The following SZT2 variants were observed in gnomAD, a reference collection of about 807,000 sequenced individuals.
The protein encoded by SZT2 is SZT2 subunit of KICSTOR complex.
SZT2 carries 216 observed loss-of-function variants against 404.2 expected under a neutral mutation model. The observed-to-expected ratio is 0.53, with a 90% CI of 0.48 to 0.60. The LOEUF is 0.60. Among genes scored for constraint, SZT2 ranks in the 20% least tolerant of loss-of-function variants. SZT2 has a pLI of 0.00. For missense variants in SZT2, 3,857 were observed against 4,459.2 expected (o/e 0.86, Z 3.85); for synonymous variants, 1,693 against 1,749.9 (o/e 0.97, Z 0.81).
chr1:43,423,820 A>G (rs72883809), intron 15 of SZT2, among the ~76,000 whole-genome samples: 1,298 of 93,678 alleles, frequency 0.014, 7 homozygotes, highest in African/African-American at 0.044. Context: ...ATACAGAGGT[A>G]TGGAAGGGCG....
chr1:43,430,029 A>G lies in SZT2; in HGVS notation c.4327A>G (p.Ser1443Gly). ...ACAACAGGAGAAGTTCCTAGAGATC[A>G]GTCGTCTCCACTTCCGCACAGTGCC... ...SVIQEKFLEI[S>G]RLHFRTVPSN... The change falls in exon 30 of 72, where the codon AGT (serine) becomes GGT (glycine). Residue 1443 changes from serine (S) to glycine (G), a missense_variant. Physicochemically the swap from Ser to Gly is moderately conservative, Grantham distance 56 (BLOSUM62 0). Transcript: ENST00000634258. 2 of 1,614,196 alleles carry G rather than the reference A, an allele frequency of 1.2e-6. No individual in the cohort carries two copies. Among genetic ancestry groups the G allele is most frequent in the East Asian group, 2.2e-5 (1 of 44,880 alleles).
At position 43,440,011 on chromosome 1, in the gene SZT2, G is replaced by C; in HGVS notation, c.7173G>C (p.Leu2391=). The change falls in exon 51 of 72, where the codon CTG becomes CTC. Residue 2391 remains leucine (L), a synonymous_variant. Transcript: ENST00000634258. ...CCGATGCCATCATCGAGCTTCAGCT[G>C]CTGCCAGCTTCACTATGTACAGAGG... The part of the protein sequence containing the change: ...ALADAIIELQ[L]LPASLCTEDT... 1 of 1,614,126 alleles carries C rather than the reference G, an allele frequency of 6.2e-7. No homozygotes were observed. The highest frequency in any genetic ancestry group is 1.1e-5 in the South Asian group (1 of 91,076).
chr1:43,395,911 A>C (rs1648938205), intron 1 of SZT2, among the ~76,000 whole-genome samples: 1 of 152,224 alleles, frequency 6.6e-6, no homozygotes, highest in African/African-American at 2.4e-5. Context: ...ATCAAACTGG[A>C]GAGATTTAGT....
intron 28 of SZT2, 139 bp from the exon 29 acceptor site, chr1:43,429,564 C>T: frequency 1.9e-6 from 2 of 1,044,152 alleles, no homozygotes; most frequent in Non-Finnish European, 2.8e-6. Context: ...CTCTTTGCCT[C>T]TTTTACCACC....
rs763684432 is a variant in SZT2, at chr1:43,415,966, G to A, written c.637G>A (p.Asp213Asn). ...TTTCTGTAACTTGGGGCAGGCAGAA[G>A]ACCAGTCCCCAGACTCAGGGGACCT... Reference protein sequence around the residue: ...QQYDPQSQAEDQSPDSGDLLG... With the variant: ...QQYDPQSQAENQSPDSGDLLG... The change falls in exon 6 of 72, where the codon GAC becomes AAC. Residue 213 changes from aspartate (D) to asparagine (N), a missense_variant. This residue lies in a region of SZT2 where 536 missense variants were observed against 637.4 expected (regional missense o/e 0.84). Coordinates refer to ENST00000634258, the MANE Select transcript of SZT2 (RefSeq NM_001365999.1). The A allele has an allele frequency of 7.5e-6, 12 of 1,597,156 alleles. No homozygotes were observed. The South Asian group carries it at 1.1e-4, about 15-fold the overall frequency.
At chr1:43,401,779 C>T (rs1048251499) in intron 1 of SZT2, among the ~76,000 whole-genome samples, 1 of 152,176 alleles carries the variant, frequency 6.6e-6, no homozygotes, top group Non-Finnish European at 1.5e-5. Flanking sequence ...AGCCACTGCG[C>T]CCAGCCCTTT....
chr1:43,436,871 A>G, intron 42 of SZT2: 1 of 439,580 alleles, frequency 2.3e-6, no homozygotes, highest in South Asian at 3.2e-5. Context: ...ACAGGGTCAG[A>G]ATCTCTTGGC....
Position 43,452,941 on chromosome 1 carries a change from T to G in SZT2, c.*2461T>G, listed in dbSNP as rs754051176. ...GGAACGCTGCCAAATACACCAGGCC[T>G]CCTCTTGCCACAGCACCCTTGCAAG... On this transcript the variant is annotated 3_prime_UTR_variant, in exon 72 of 72. Coordinates refer to ENST00000634258, the MANE Select transcript of SZT2 (RefSeq NM_001365999.1). 9.3e-6 allele frequency: 15 copies of G among 1,608,952 alleles called. No individual in the cohort carries two copies. The highest frequency in any genetic ancestry group is 4.0e-5 in the African/African-American group (3 of 74,816).
chr1:43,422,865 AGC>A lies in SZT2; in HGVS notation c.2020_2021del (p.Ala674ThrfsTer61). ...GCCTGGGTTTTCCCATTGGCACACC[AGC>A]ACCGGCCCGGCACAAGGTAAGCTGG... ...LRLGFPIGTPAPARHKIVSGL... is the reference protein window; with the variant it reads ...LRLGFPIGTPXPARHKIVSGL... On this transcript the variant is annotated frameshift_variant, in exon 14 of 72. Transcript: ENST00000634258. LOFTEE classifies it high-confidence loss of function. 1.3e-6 allele frequency: 2 copies of A among 1,588,394 alleles called. No homozygotes were observed. Among genetic ancestry groups the A allele is most frequent in the Non-Finnish European group, 1.7e-6 (2 of 1,175,264 alleles).
In SZT2 at chr1:43,453,034, T is replaced by G. The variant is rs1252341010; in HGVS notation, c.*2554T>G. On this transcript the variant is annotated 3_prime_UTR_variant, in exon 72 of 72. Coordinates refer to ENST00000634258, the MANE Select transcript of SZT2 (RefSeq NM_001365999.1). ...AAGACAGTCCAAGCATCACTACCTG[T>G]AAGCAGCTTTCTCTGATCCAGACAG... The G allele has an allele frequency of 7.4e-7, 1 of 1,355,580 alleles. No individual in the cohort carries two copies. Among genetic ancestry groups the G allele is most frequent in the Non-Finnish European group, 1.0e-6 (1 of 957,164 alleles). 84.0% of individuals were successfully genotyped at this position (1,355,580 alleles called of 1,614,324 possible). A position where few individuals can be genotyped will look rare whatever the true frequency, so the allele number is the denominator to read the frequency against.
In SZT2 at chr1:43,446,398, G is replaced by T; in HGVS notation, c.9054G>T (p.Gly3018=). The change falls in exon 65 of 72, where the codon GGG becomes GGT. Residue 3018 remains glycine, a synonymous_variant. Coordinates refer to ENST00000634258, the MANE Select transcript of SZT2 (RefSeq NM_001365999.1). ...FALECSRIPM[G]QAVNSQLSML... is the part of the protein sequence containing the mutation. ...TGGAATGTTCCCGAATCCCAATGGG[G>T]CAGGCTGTCAACTCACAGGTATGTG... 1 of 1,614,274 alleles carries T rather than the reference G, an allele frequency of 6.2e-7. No individual in the cohort carries two copies. The highest frequency in any genetic ancestry group is 8.5e-7 in the Non-Finnish European group (1 of 1,180,048).
intron 4 of SZT2, among the ~76,000 whole-genome samples, chr1:43,407,915 C>T (rs1051681574): frequency 3.4e-5 from 5 of 148,952 alleles, no homozygotes; most frequent in African/African-American, 1.2e-4. Context: ...TCACTGCAAC[C>T]TCCACCTCCT....
intron 36 of SZT2, 65 bp downstream of exon 36, chr1:43,431,966 A>C: frequency 6.4e-7 from 1 of 1,570,096 alleles, no homozygotes; most frequent in Non-Finnish European, 8.7e-7. Context: ...CCCCAGGCAC[A>C]GGACTGGAAG....
intron 3 of SZT2, 69 bp downstream of exon 3, chr1:43,403,843 G>A: frequency 6.4e-7 from 1 of 1,552,740 alleles, no homozygotes; most frequent in Non-Finnish European, 8.8e-7. Flanking sequence ...AGAGGCCTGT[G>A]GGGAAGTGAA....
Position 43,439,203 on chromosome 1 carries a change from G to C in SZT2, c.6792+110G>C, listed in dbSNP as rs1350466003. 2.0e-5 allele frequency: 32 copies of C among 1,561,040 alleles called. No individual in the cohort carries two copies. The highest frequency in any genetic ancestry group is 2.8e-5 in the Non-Finnish European group (32 of 1,140,398). ...ATATGTACCTTTGCCCATGGACCTGGGTACACCCATGCCCCCCCGGGGACC... is the reference window on the plus strand; with the variant it reads ...ATATGTACCTTTGCCCATGGACCTGCGTACACCCATGCCCCCCCGGGGACC... On this transcript the variant is annotated intron_variant, in intron 48 of 71. Coordinates refer to ENST00000634258, the MANE Select transcript of SZT2 (RefSeq NM_001365999.1). This position sits in a 1 kb window ranked among gnomAD's most constrained non-coding sequence, Gnocchi z 4.2.
chr1:43,437,376 C>G lies in SZT2; in HGVS notation c.6188-30C>G. ...GAGCATTGGAAGGATCTGGAAAAGG[C>G]AGTTTCCTGAGCCCATGTTATTCCC... On this transcript the variant is annotated intron_variant, in intron 43 of 71. Transcript: ENST00000634258. This position sits in a 1 kb window ranked among gnomAD's most constrained non-coding sequence, Gnocchi z 5.3. 6.2e-7 allele frequency: 1 copy of G among 1,614,040 alleles called. No individual in the cohort carries two copies. The highest frequency in any genetic ancestry group is 2.2e-5 in the East Asian group (1 of 44,870).
Position 43,451,317 on chromosome 1 carries a change from G to T in SZT2, c.*837G>T. The T allele has an allele frequency of 6.2e-7, 1 of 1,613,668 alleles. No individual in the cohort carries two copies. Among genetic ancestry groups the T allele is most frequent in the East Asian group, 2.2e-5 (1 of 44,878 alleles). ...CAAGCCCTCTACTGTGTCTCCTGCAGGGAGAGGGAGGCCTCGGCACCTCAG... is the reference window on the plus strand; with the variant it reads ...CAAGCCCTCTACTGTGTCTCCTGCATGGAGAGGGAGGCCTCGGCACCTCAG... On this transcript the variant is annotated 3_prime_UTR_variant, in exon 72 of 72. Transcript: ENST00000634258.
intron 7 of SZT2, 87 bp from the exon 8 acceptor site, chr1:43,419,647 G>A: frequency 1.8e-6 from 2 of 1,123,690 alleles, no homozygotes; most frequent in Admixed American, 4.3e-5. Context: ...AATGGGAGCA[G>A]CCACCTAGCC....
intron 63 of SZT2, 51 bp downstream of exon 63, chr1:43,446,035 G>A (rs748883457): frequency 5.6e-6 from 9 of 1,600,768 alleles, no homozygotes; most frequent in East Asian, 2.2e-5. Flanking sequence ...ACTTTCCCAC[G>A]GCCTGAGGTC....
Sources: gnomAD v4.1 joint callset for allele counts (sites outside exome capture counted in the v4.1 genomes callset) on GRCh38, gnomAD v4.1.1 for gene constraint, gnomAD v4.1.1 regional missense constraint, Gnocchi (gnomAD v3.1) non-coding constraint, MANE v1.5 for transcripts, NCBI Gene and HGNC (gene_info 2026-07-23, HGNC 2026-07-21) for gene names.